APC: variants seen among roughly 807,000 people sequenced by gnomAD.
APC encodes APC regulator of Wnt signaling pathway.
A neutral mutation model predicts 247.0 loss-of-function variants in APC; 72 were observed. The observed-to-expected ratio is 0.29, with a 90% CI of 0.24 to 0.35. APC has a LOEUF of 0.35. Among genes scored for constraint, APC ranks in the 10% least tolerant of loss-of-function variants. The pLI is 1.00. For synonymous variants in APC, 1,254 were observed against 1,162.5 expected (o/e 1.08, Z -1.60); for missense variants, 3,400 against 3,360.7 (o/e 1.01, Z -0.29).
At chr5:112,822,015 G>A (rs1464769774) in intron 11 of APC, 24 bp downstream of exon 11, 1 of 1,440,864 alleles carries the variant, frequency 6.9e-7, no homozygotes. Context: ...GTTTTTTAAT[G>A]ACATAGACAA....
At chr5:112,738,004 C>A in intron 1 of APC, 79 bp downstream of exon 1, 1 of 910,452 alleles carries the variant, frequency 1.1e-6, no homozygotes, top group South Asian at 5.0e-5. Context: ...TGTCTTAAAC[C>A]GATGGCCTTT....
chr5:112,841,049 A>T lies in APC; in HGVS notation c.5455A>T (p.Asn1819Tyr). ...KDSKKQNLKNNSKVFNDKLPN... is the reference protein window; with the variant it reads ...KDSKKQNLKNYSKVFNDKLPN... Reference sequence around the variant, plus strand: ...TTCAAAGAAACAGAATTTGAAAAATAATTCCAAGGTCTTCAATGATAAGCT... The same window carrying T: ...TTCAAAGAAACAGAATTTGAAAAATTATTCCAAGGTCTTCAATGATAAGCT... The change falls in exon 16 of 16, where the codon AAT becomes TAT. Residue 1819 changes from asparagine (N) to tyrosine (Y), a missense_variant. Around this residue, in one of 9 missense-constraint regions of APC, gnomAD observed 1,788 missense variants for 1,649.5 expected, o/e 1.08. Transcript: ENST00000257430. This position sits in a 1 kb window ranked among gnomAD's most constrained non-coding sequence, Gnocchi z 4.6. The T allele has an allele frequency of 1.2e-6, 2 of 1,611,944 alleles. No individual in the cohort carries two copies. Among genetic ancestry groups the T allele is most frequent in the Non-Finnish European group, 1.7e-6 (2 of 1,178,106 alleles).
At chr5:112,726,046 T>C (rs907768223) in intron 1 of APC, among the ~76,000 whole-genome samples, 2 of 151,992 alleles carry the variant, frequency 1.3e-5, no homozygotes, top group Middle Eastern at 3.2e-3. Context: ...AAACCCCTTA[T>C]GGGAGGGGGA....
chr5:112,757,603 T>C (rs1456203172), intron 2 of APC, among the ~76,000 whole-genome samples: 1 of 152,080 alleles, frequency 6.6e-6, no homozygotes. Flanking sequence ...GTGTGGCGTA[T>C]ATCTGTGGTC....
intron 7 of APC, among the ~76,000 whole-genome samples, chr5:112,794,271 A>G (rs61667491): frequency 0.025 from 3,752 of 152,094 alleles, 167 homozygotes; most frequent in African/African-American, 0.087. Flanking sequence ...TGTAGAGACG[A>G]GGTTTTGCCA....
At chr5:112,802,768 C>A (rs937576084) in intron 8 of APC, among the ~76,000 whole-genome samples, 1 of 152,030 alleles carries the variant, frequency 6.6e-6, no homozygotes, top group African/African-American at 2.4e-5. Flanking sequence ...CATGAGACTT[C>A]AGTATGCCAG....
At position 112,843,860 on chromosome 5, in the gene APC, A is replaced by G. The variant is rs146115809; in HGVS notation, c.8266A>G (p.Ile2756Val). 5.4e-5 allele frequency: 87 copies of G among 1,614,068 alleles called. No homozygotes were observed. In the African/African-American group the frequency reaches 7.3e-4, roughly 14 times the overall value. The change falls in exon 16 of 16, where the codon ATA (isoleucine) becomes GTA (valine). Residue 2756 changes from isoleucine to valine, a missense_variant. Transcript: ENST00000257430. This position sits in a 1 kb window ranked among gnomAD's most constrained non-coding sequence, Gnocchi z 4.8. Reference protein sequence around the residue: ...VPVSETNESSIVERTPFSSSS... With the variant: ...VPVSETNESSVVERTPFSSSS... ...TGTATCAGAGACTAATGAAAGTTCT[A>G]TAGTGGAACGTACCCCATTCAGTTC...
In APC at chr5:112,842,783, G is replaced by A. The variant is rs1554088112; in HGVS notation, c.7189G>A (p.Ala2397Thr). Reference sequence around the variant, plus strand: ...CAGTAGTATTCCAAGAAGTGAGTCTGCCTCCAAAGGACTAAATCAGATGAA... The same window carrying A: ...CAGTAGTATTCCAAGAAGTGAGTCTACCTCCAAAGGACTAAATCAGATGAA... ...NASSIPRSES[A>T]SKGLNQMNNG... Residue 2397 changes from alanine to threonine, a missense_variant, in exon 16 of 16, where the codon GCC becomes ACC. Ala to Thr is a moderately conservative substitution (Grantham distance 58). This residue lies in a region of APC where 1,788 missense variants were observed against 1,649.5 expected (regional missense o/e 1.08). Coordinates refer to ENST00000257430, the MANE Select transcript of APC (RefSeq NM_000038.6). 6.2e-7 allele frequency: 1 copy of A among 1,613,768 alleles called. No individual in the cohort carries two copies. The highest frequency in any genetic ancestry group is 8.5e-7 in the Non-Finnish European group (1 of 1,179,698).
At chr5:112,717,752 G>A (rs1751252117) in intron 1 of APC, among the ~76,000 whole-genome samples, 1 of 151,818 alleles carries the variant, frequency 6.6e-6, no homozygotes, top group South Asian at 2.1e-4. Context: ...GTGAATATAT[G>A]GATTGGTGTC....
Position 112,768,707 on chromosome 5 carries a change from C to G in APC, c.422+1317C>G, listed in dbSNP as rs984722176. ...AAACTATGTAATATTGTTAACTGTG[C>G]TCATCCTATGGTAGCGTAGAACACA... On this transcript the variant is annotated intron_variant, in intron 4 of 15. Transcript: ENST00000257430. Among the ~76,000 whole-genome samples the G allele has an allele frequency of 1.4e-4, 22 of 151,870 alleles. 1 individual carries two copies. Among genetic ancestry groups the G allele is most frequent in the Admixed American group, 6.6e-4 (10 of 15,228 alleles).
intron 1 of APC, chr5:112,738,387 CAA>C: frequency 1.0e-6 from 1 of 985,646 alleles, no homozygotes. Context: ...AGAGAGGAGA[CAA>C]AACCGCTGCA....
intron 10 of APC, among the ~76,000 whole-genome samples, chr5:112,820,204 C>CAT (rs1762979148): frequency 6.6e-6 from 1 of 152,044 alleles, no homozygotes; most frequent in South Asian, 2.1e-4. Flanking sequence ...CACACACACA[C>CAT]ACACACACAC....
At chr5:112,801,198 A>T in intron 7 of APC, 81 bp from the exon 8 acceptor site, 1 of 1,109,286 alleles carries the variant, frequency 9.0e-7, no homozygotes, top group Non-Finnish European at 1.3e-6. Flanking sequence ...CAGAGCTTTA[A>T]AGCAAAAAAA....
In APC at chr5:112,827,950, G is replaced by T. The variant is rs1174962542; in HGVS notation, c.1570G>T (p.Gly524Cys). Reference sequence around the variant, plus strand: ...ACAGGCTACGCTATGCTCTATGAAAGGCTGCATGAGAGCACTTGTGGCCCA... The same window carrying T: ...ACAGGCTACGCTATGCTCTATGAAATGCTGCATGAGAGCACTTGTGGCCCA... ...ANKATLCSMK[G>C]CMRALVAQLK... The change falls in exon 13 of 16, where the codon GGC (glycine) becomes TGC (cysteine). Residue 524 changes from glycine (G) to cysteine (C), a missense_variant. Around this residue, in one of 9 missense-constraint regions of APC, gnomAD observed 184 missense variants for 248.0 expected, o/e 0.74. Transcript: ENST00000257430. 1 of 1,613,378 alleles carries T rather than the reference G, an allele frequency of 6.2e-7. No homozygotes were observed. Among genetic ancestry groups the T allele is most frequent in the Admixed American group, 1.7e-5 (1 of 60,008 alleles).
intron 7 of APC, among the ~76,000 whole-genome samples, chr5:112,797,883 A>G (rs1228858063): frequency 6.6e-6 from 1 of 152,222 alleles, no homozygotes; most frequent in African/African-American, 2.4e-5. Flanking sequence ...CAAGTGAGAT[A>G]CTGCTTCACA....
intron 1 of APC, among the ~76,000 whole-genome samples, chr5:112,739,141 T>G (rs1422708786): frequency 6.6e-6 from 1 of 152,250 alleles, no homozygotes; most frequent in African/African-American, 2.4e-5. Context: ...TGTGCAAATA[T>G]TTTAAATTAA....
chr5:112,784,763 CAAATA>C (rs1242355689), intron 6 of APC, among the ~76,000 whole-genome samples: 4 of 152,000 alleles, frequency 2.6e-5, no homozygotes, highest in African/African-American at 7.2e-5. Flanking sequence ...ATAAGAATTC[CAAATA>C]AAATAAGAAT....
chr5:112,792,410 A>ATATTAATAG, intron 6 of APC, 36 bp from the exon 7 acceptor site: 1 of 1,385,970 alleles, frequency 7.2e-7, no homozygotes, highest in Non-Finnish European at 1.0e-6. Context: ...ATTATTAATA[A>ATATTAATAG]AAACATAACT....
intron 6 of APC, among the ~76,000 whole-genome samples, chr5:112,789,220 G>C (rs982671302): frequency 3.9e-5 from 6 of 152,130 alleles, no homozygotes; most frequent in African/African-American, 1.4e-4. Flanking sequence ...TTGTCATATA[G>C]AAAAAGGAAA....
Sources: allele counts gnomAD v4.1 joint callset (sites outside exome capture counted in the v4.1 genomes callset), GRCh38; gene constraint gnomAD v4.1.1; regional missense constraint gnomAD v4.1.1; non-coding constraint Gnocchi (gnomAD v3.1); transcripts MANE v1.5; gene names NCBI Gene and HGNC (gene_info 2026-07-23, HGNC 2026-07-21).